The following PRKCB variants were observed in gnomAD, a reference collection of about 807,000 sequenced individuals.
PRKCB encodes protein kinase C beta, also known as protein kinase C beta type.
A neutral mutation model predicts 81.5 loss-of-function variants in PRKCB; 13 were observed. That is an observed-to-expected ratio of 0.16 (90% confidence interval 0.10 to 0.25). The LOEUF (loss-of-function observed/expected upper bound fraction) is 0.25, where lower values mean the gene tolerates loss of function less well. Among genes scored for constraint, PRKCB ranks in the 10% least tolerant of loss-of-function variants. PRKCB has a pLI of 1.00. For synonymous variants in PRKCB, 335 were observed against 321.4 expected (o/e 1.04, Z -0.45); for missense variants, 509 against 875.7 (o/e 0.58, Z 5.29).
In PRKCB at chr16:23,913,107, A is replaced by G. The variant is rs1222458772; in HGVS notation, c.206-75401A>G. Reference sequence around the variant, plus strand: ...AATCAGATTGTTTCACAGACTTCAGAATGGAGGCTGAGGTTCAAGGAGGTG... The same window carrying G: ...AATCAGATTGTTTCACAGACTTCAGGATGGAGGCTGAGGTTCAAGGAGGTG... On this transcript the variant is annotated intron_variant, in intron 2 of 16. Transcript: ENST00000643927. 2.0e-5 allele frequency among the ~76,000 whole-genome samples: 3 copies of G among 152,088 alleles called. 1 individual carries two copies. Among genetic ancestry groups the G allele is most frequent in the Admixed American group, 1.3e-4 (2 of 15,272 alleles).
intron 2 of PRKCB, among the ~76,000 whole-genome samples, chr16:23,948,124 A>T (rs1964228881): frequency 6.6e-6 from 1 of 152,108 alleles, no homozygotes; most frequent in Admixed American, 6.5e-5. Context: ...CAGACTGCAG[A>T]GTCAGCTATG....
intron 2 of PRKCB, among the ~76,000 whole-genome samples, chr16:23,984,131 A>G (rs887461475): frequency 2.0e-5 from 3 of 152,256 alleles, no homozygotes; most frequent in African/African-American, 7.2e-5. Context: ...TAAATGTTTA[A>G]TGAAGAGGAA....
At chr16:23,873,386 A>G (rs570268051) in intron 2 of PRKCB, among the ~76,000 whole-genome samples, 1 of 150,312 alleles carries the variant, frequency 6.7e-6, no homozygotes, top group East Asian at 1.9e-4. Flanking sequence ...AAAAAAAGAG[A>G]GAAAAAAGAA....
chr16:24,193,472 T>TAAAAAA (rs1443917376), intron 16 of PRKCB, among the ~76,000 whole-genome samples: 1 of 103,088 alleles, frequency 9.7e-6, no homozygotes, highest in South Asian at 3.0e-4. Flanking sequence ...AATAAATAAA[T>TAAAAAA]AAATAAATAA....
chr16:24,123,816 G>A lies in PRKCB; in HGVS notation c.919-19G>A, dbSNP rs1397505587. On this transcript the variant is annotated intron_variant, in intron 8 of 16. Transcript: ENST00000643927. ...TCCTCAAACCCTGAGCATGTTTTCT[G>A]TGTGCTTCCTTTTTGCAGAGGGCCA... 1.2e-6 allele frequency: 2 copies of A among 1,613,174 alleles called. No individual in the cohort carries two copies. The highest frequency in any genetic ancestry group is 1.7e-6 in the Non-Finnish European group (2 of 1,179,530).
chr16:24,051,544 G>C (rs1457383605), intron 5 of PRKCB, among the ~76,000 whole-genome samples: 1 of 151,980 alleles, frequency 6.6e-6, no homozygotes, highest in Non-Finnish European at 1.5e-5. Context: ...AGTTTCTCCA[G>C]GGTCAGCAAG....
intron 2 of PRKCB, among the ~76,000 whole-genome samples, chr16:23,852,508 A>G (rs1228172039): frequency 1.3e-5 from 2 of 152,080 alleles, no homozygotes; most frequent in African/African-American, 4.8e-5. Context: ...GTGTTCTTCA[A>G]TTTGGTTTGC....
At chr16:23,905,631 C>T (rs1244431275) in intron 2 of PRKCB, among the ~76,000 whole-genome samples, 1 of 152,170 alleles carries the variant, frequency 6.6e-6, no homozygotes, top group Non-Finnish European at 1.5e-5. Context: ...TCTCCTAGAA[C>T]CAGTTTCCTG....
At chr16:23,917,502 A>G (rs1457559376) in intron 2 of PRKCB, among the ~76,000 whole-genome samples, 1 of 152,164 alleles carries the variant, frequency 6.6e-6, no homozygotes, top group Non-Finnish European at 1.5e-5. Flanking sequence ...TGTTCATATG[A>G]CCTGGCCTGG....
At chr16:24,119,735 C>T (rs1193034746) in intron 8 of PRKCB, among the ~76,000 whole-genome samples, 1 of 152,090 alleles carries the variant, frequency 6.6e-6, no homozygotes, top group Non-Finnish European at 1.5e-5. Flanking sequence ...TTGCAGTTTC[C>T]ATTGCAAATA....
chr16:23,988,912 G>C (rs747342118), intron 3 of PRKCB, among the ~76,000 whole-genome samples: 28 of 152,022 alleles, frequency 1.8e-4, no homozygotes, highest in Non-Finnish European at 3.1e-4. Flanking sequence ...ACTTTGCAGT[G>C]CACGTTATGG....
intron 5 of PRKCB, among the ~76,000 whole-genome samples, chr16:24,086,935 G>A (rs1966317505): frequency 6.6e-6 from 1 of 152,068 alleles, no homozygotes; most frequent in Admixed American, 6.5e-5. Context: ...CAAAATGACA[G>A]AAAATTGCAA....
At position 24,218,584 on chromosome 16, in the gene PRKCB, G is replaced by C; in HGVS notation, c.*3768G>C. ...CCATAGAGACATTTTACCTATCTCAGGGGAGCAGCCACAAAGAAGCAAGTC... is the reference window on the plus strand; with the variant it reads ...CCATAGAGACATTTTACCTATCTCACGGGAGCAGCCACAAAGAAGCAAGTC... On this transcript the variant is annotated 3_prime_UTR_variant, in exon 17 of 17. Coordinates refer to ENST00000643927, the MANE Select transcript of PRKCB (RefSeq NM_002738.7). 1.0e-6 allele frequency: 1 copy of C among 985,444 alleles called. No homozygotes were observed. Among genetic ancestry groups the C allele is most frequent in the Non-Finnish European group, 1.2e-6 (1 of 829,966 alleles). The allele number at this position is 985,444 out of a possible 1,614,324, so 61.0% of individuals were successfully genotyped here.
At chr16:23,926,619 A>G (rs903587249) in intron 2 of PRKCB, among the ~76,000 whole-genome samples, 1 of 150,998 alleles carries the variant, frequency 6.6e-6, no homozygotes, top group African/African-American at 2.4e-5. Context: ...GTATATATGT[A>G]TATATATGGT....
At chr16:23,967,449 T>A (rs1964503154) in intron 2 of PRKCB, among the ~76,000 whole-genome samples, 1 of 152,200 alleles carries the variant, frequency 6.6e-6, no homozygotes, top group Admixed American at 6.5e-5. Flanking sequence ...TGATCTCTGT[T>A]GCCTGAATCT....
chr16:24,021,309 T>C lies in PRKCB; in HGVS notation c.289-10827T>C, dbSNP rs1163402835. Reference sequence around the variant, plus strand: ...CCTCTCCCTCCCTTCCTTCCTTCCTTCCTTCCTTCCTTCCTTCCTTCCTTC... The same window carrying C: ...CCTCTCCCTCCCTTCCTTCCTTCCTCCCTTCCTTCCTTCCTTCCTTCCTTC... On this transcript the variant is annotated intron_variant, in intron 3 of 16. Transcript: ENST00000643927. Among the ~76,000 whole-genome samples the C allele has an allele frequency of 2.1e-3, 51 of 24,066 alleles. 2 individuals carry two copies. Among genetic ancestry groups the C allele is most frequent in the African/African-American group, 0.011 (44 of 3,986 alleles). The allele number at this position is 24,066 out of a possible 152,430, so 15.8% of individuals were successfully genotyped here.
intron 5 of PRKCB, among the ~76,000 whole-genome samples, chr16:24,075,324 C>T (rs1164105034): frequency 6.6e-6 from 1 of 152,106 alleles, no homozygotes; most frequent in Non-Finnish European, 1.5e-5. Flanking sequence ...TGCAGCAAGT[C>T]AATACACTAA....
intron 2 of PRKCB, among the ~76,000 whole-genome samples, chr16:23,951,040 G>A (rs1239822824): frequency 6.6e-6 from 1 of 152,172 alleles, no homozygotes; most frequent in Non-Finnish European, 1.5e-5. Flanking sequence ...AGGAGCCATA[G>A]GGATGGGTGT....
At chr16:23,891,264 G>A (rs539973508) in intron 2 of PRKCB, among the ~76,000 whole-genome samples, 8 of 151,960 alleles carry the variant, frequency 5.3e-5, no homozygotes, top group Admixed American at 1.3e-4. Flanking sequence ...TGCTGCCTGC[G>A]CTGTTCTTGA....
Sources: gnomAD v4.1 joint callset for allele counts (sites outside exome capture counted in the v4.1 genomes callset) on GRCh38, gnomAD v4.1.1 for gene constraint, MANE v1.5 for transcripts, NCBI Gene and HGNC (gene_info 2026-07-23, HGNC 2026-07-21) for gene names.